Variants in C19orf47 observed in about 807,000 individuals in gnomAD.
C19orf47 encodes uncharacterized protein C19orf47.
C19orf47 carries 18 observed loss-of-function variants against 32.3 expected under a neutral mutation model. The observed-to-expected ratio is 0.56, with a 90% CI of 0.39 to 0.83. C19orf47 has a LOEUF of 0.83. Ranked by LOEUF, C19orf47 falls within the 40% of genes least tolerant of loss-of-function variation. C19orf47 has a pLI of 0.00. For synonymous variants in C19orf47, 202 were observed against 211.1 expected (o/e 0.96, Z 0.37); for missense variants, 484 against 531.6 (o/e 0.91, Z 0.88).
At chr19:40,316,515 G>A (rs2077663155), downstream of C19orf47, among the ~76,000 whole-genome samples, 1 of 152,186 alleles carries the variant, frequency 6.6e-6, no homozygotes, top group Non-Finnish European at 1.5e-5. Context: ...CAACAACTTA[G>A]CCAAGCGTTG....
Position 40,328,325 on chromosome 19 carries a change from T to C in C19orf47, c.439+88A>G, listed in dbSNP as rs2077875609. The C allele has an allele frequency of 3.2e-6, 5 of 1,557,726 alleles. No individual in the cohort carries two copies. The South Asian group carries it at 5.9e-5, about 19-fold the overall frequency. ...TATACCTTGTGGCCTTCAAAGCACC[T>C]TACAATATTGGAAGCATGACCCCCA... On this transcript the variant is annotated intron_variant, in intron 6 of 8. Transcript: ENST00000683109.
At chr19:40,348,486 G>A, upstream of C19orf47, 4 of 1,495,480 alleles carry the variant, frequency 2.7e-6, no homozygotes, top group Non-Finnish European at 2.7e-6. Flanking sequence ...CCAACAGGCC[G>A]CCACCAGCGA....
At chr19:40,340,400 C>A (rs541954737) in intron 2 of C19orf47, among the ~76,000 whole-genome samples, 2 of 151,970 alleles carry the variant, frequency 1.3e-5, no homozygotes, top group East Asian at 3.9e-4. Flanking sequence ...AGAATACAGG[C>A]AGCCAGGCGC....
chr19:40,301,691 A>C, the C19orf47 span, among the ~76,000 whole-genome samples: 1 of 151,620 alleles, frequency 6.6e-6, no homozygotes, highest in Non-Finnish European at 1.5e-5. Flanking sequence ...CTGAAAATAC[A>C]AAAATTTGCT....
intron 1 of C19orf47, among the ~76,000 whole-genome samples, chr19:40,346,915 G>A (rs1215843472): frequency 7.1e-6 from 1 of 139,918 alleles, no homozygotes. Context: ...GGTTAAGTGC[G>A]ATGTTAAGTG....
At chr19:40,313,605 A>G in the C19orf47 span, among the ~76,000 whole-genome samples, 1 of 152,214 alleles carries the variant, frequency 6.6e-6, no homozygotes, top group South Asian at 2.1e-4. Flanking sequence ...GATTACAGGC[A>G]TGAGCCACCA....
chr19:40,334,343 A>C (rs1289936294), intron 4 of C19orf47, among the ~76,000 whole-genome samples: 1 of 152,124 alleles, frequency 6.6e-6, no homozygotes, highest in East Asian at 1.9e-4. Context: ...CCAATTATTC[A>C]GGGGCTGAGG....
chr19:40,342,011 G>A, intron 1 of C19orf47, 121 bp from the exon 2 acceptor site: 15 of 1,497,310 alleles, frequency 1.0e-5, no homozygotes, highest in Admixed American at 4.2e-5. Context: ...TCACCGCCCA[G>A]GAATAGCCTG....
intron 5 of C19orf47, 123 bp downstream of exon 5, chr19:40,333,728 T>A (rs2078001912): frequency 1.4e-6 from 1 of 715,150 alleles, no homozygotes. Context: ...AGAGTAAGAA[T>A]TCCTCCAATG....
chr19:40,322,645 A>G (rs984998561), intron 8 of C19orf47, among the ~76,000 whole-genome samples: 4 of 152,262 alleles, frequency 2.6e-5, no homozygotes, highest in Non-Finnish European at 5.9e-5. Flanking sequence ...AAGAGGGAAG[A>G]GGACGGGAGT....
the C19orf47 span, among the ~76,000 whole-genome samples, chr19:40,308,059 C>G: frequency 6.6e-6 from 1 of 152,144 alleles, no homozygotes; most frequent in Admixed American, 6.6e-5. Flanking sequence ...TAATAACACA[C>G]AATCAAGAAG....
rs534947266 is a variant in C19orf47 at position 40,333,529 on chromosome 19, G to A, written c.301+322C>T. On this transcript the variant is annotated intron_variant, in intron 5 of 8. Coordinates refer to ENST00000683109, the MANE Select transcript of C19orf47 (RefSeq NM_001256441.2). ...CATAAAATAAAGCTATATATTTGAC[G>A]ACAGGCTTGCAGGAACCTAACCTAG... is the stretch of plus-strand genomic sequence containing the variant. 8.5e-5 allele frequency among the ~76,000 whole-genome samples: 13 copies of A among 152,212 alleles called. No individual in the cohort carries two copies. In the East Asian group the frequency reaches 1.2e-3, roughly 14 times the overall value.
intron 1 of C19orf47, among the ~76,000 whole-genome samples, chr19:40,345,108 A>G (rs2078246850): frequency 6.6e-6 from 1 of 152,200 alleles, no homozygotes; most frequent in African/African-American, 2.4e-5. Flanking sequence ...AGTTAATGCT[A>G]ACCAGAATCC....
the C19orf47 span, among the ~76,000 whole-genome samples, chr19:40,300,372 G>A: frequency 6.6e-6 from 1 of 151,694 alleles, no homozygotes; most frequent in Non-Finnish European, 1.5e-5. Context: ...GGGTGAGGCA[G>A]GAGAATTGCT....
intron 5 of C19orf47, among the ~76,000 whole-genome samples, chr19:40,330,267 C>T (rs994995326): frequency 3.3e-5 from 5 of 150,270 alleles, no homozygotes; most frequent in African/African-American, 7.4e-5. Context: ...CTCGCTCTGT[C>T]GCCCAGGCTG....
intron 2 of C19orf47, among the ~76,000 whole-genome samples, chr19:40,341,298 C>T (rs1426725225): frequency 1.3e-5 from 2 of 152,010 alleles, no homozygotes; most frequent in Non-Finnish European, 2.9e-5. Flanking sequence ...CGTGCCATTG[C>T]ACTCCAGCCT....
At chr19:40,323,785 G>C (rs1354606643) in intron 8 of C19orf47, among the ~76,000 whole-genome samples, 3 of 152,148 alleles carry the variant, frequency 2.0e-5, no homozygotes, top group Non-Finnish European at 4.4e-5. Context: ...GTGGGTGGGA[G>C]GCATCCAGGA....
intron 7 of C19orf47, 21 bp from the exon 8 acceptor site, chr19:40,324,097 T>C (rs756851403): frequency 6.2e-7 from 1 of 1,613,956 alleles, no homozygotes; most frequent in Non-Finnish European, 8.5e-7. Flanking sequence ...AGTGAAGCCA[T>C]CAGGGAGAGG....
intron 2 of C19orf47, 39 bp downstream of exon 2, chr19:40,341,800 T>C (rs1439232226): frequency 1.0e-5 from 16 of 1,535,590 alleles, no homozygotes; most frequent in African/African-American, 2.7e-5. Context: ...AAAAGGGCAG[T>C]GGGGAGAGGG....
Sources: gnomAD v4.1 joint callset for allele counts (sites outside exome capture counted in the v4.1 genomes callset) on GRCh38, gnomAD v4.1.1 for gene constraint, MANE v1.5 for transcripts, NCBI Gene and HGNC (gene_info 2026-07-23, HGNC 2026-07-21) for gene names.